SMARCC1: variants seen among roughly 807,000 people sequenced by gnomAD.
The protein encoded by SMARCC1 is SWI/SNF related BAF chromatin remodeling complex subunit C1, also known as SWI/SNF complex subunit SMARCC1.
SMARCC1 carries 43 observed loss-of-function variants against 147.4 expected under a neutral mutation model. The observed-to-expected ratio is 0.29, with a 90% CI of 0.23 to 0.38. The LOEUF (loss-of-function observed/expected upper bound fraction) is 0.38. Among genes scored for constraint, SMARCC1 ranks in the 10% least tolerant of loss-of-function variants. The pLI is 1.00. For synonymous variants in SMARCC1, 495 were observed against 484.4 expected (o/e 1.02, Z -0.29); for missense variants, 1,119 against 1,381.1 (o/e 0.81, Z 3.01).
intron 5 of SMARCC1, among the ~76,000 whole-genome samples, chr3:47,732,459 G>C (rs1166805699): frequency 1.3e-5 from 2 of 152,134 alleles, no homozygotes; most frequent in Admixed American, 1.3e-4. Context: ...CTAGCTGTTT[G>C]ACTTAAGAAG....
At chr3:47,591,749 T>G (rs1324106889) in intron 26 of SMARCC1, among the ~76,000 whole-genome samples, 1 of 152,122 alleles carries the variant, frequency 6.6e-6, no homozygotes, top group Non-Finnish European at 1.5e-5. Context: ...TTTGCCATGT[T>G]GCCCAGGCTG....
chr3:47,774,766 A>ATAGT (rs1227042359), intron 1 of SMARCC1, among the ~76,000 whole-genome samples: 1 of 151,898 alleles, frequency 6.6e-6, no homozygotes, highest in Admixed American at 6.6e-5. Flanking sequence ...CTATATTGAT[A>ATAGT]ATTTGCAACA....
At chr3:47,648,126 C>A (rs1003287924) in intron 21 of SMARCC1, among the ~76,000 whole-genome samples, 1 of 152,108 alleles carries the variant, frequency 6.6e-6, no homozygotes, top group Non-Finnish European at 1.5e-5. Context: ...TCCCAAACAG[C>A]TGAGATTACA....
intron 26 of SMARCC1, among the ~76,000 whole-genome samples, chr3:47,599,330 C>G (rs2032349411): frequency 6.6e-6 from 1 of 152,146 alleles, no homozygotes; most frequent in African/African-American, 2.4e-5. Flanking sequence ...TTAGAGTGAG[C>G]AGAGATCACA....
intron 9 of SMARCC1, among the ~76,000 whole-genome samples, chr3:47,709,849 G>A (rs981321122): frequency 6.6e-6 from 1 of 152,080 alleles, no homozygotes; most frequent in African/African-American, 2.4e-5. Context: ...TCCACAACTT[G>A]TGCCTTACAA....
intron 5 of SMARCC1, among the ~76,000 whole-genome samples, chr3:47,734,626 TAC>T (rs1320333570): frequency 1.3e-5 from 2 of 152,318 alleles, no homozygotes; most frequent in African/African-American, 4.8e-5. Flanking sequence ...TGGGCTTAAT[TAC>T]AGTTTAGTCA....
intron 13 of SMARCC1, among the ~76,000 whole-genome samples, chr3:47,688,694 G>T (rs1325555610): frequency 6.6e-6 from 1 of 152,176 alleles, no homozygotes; most frequent in Admixed American, 6.6e-5. Flanking sequence ...GTCAAAGTAT[G>T]ATTCAAAGTC....
chr3:47,754,969 G>T (rs1338117015), intron 2 of SMARCC1, among the ~76,000 whole-genome samples: 1 of 152,210 alleles, frequency 6.6e-6, no homozygotes, highest in African/African-American at 2.4e-5. Context: ...CTTGAACCCA[G>T]GAGGCACAGG....
Position 47,729,029 on chromosome 3 carries a change from G to T in SMARCC1, c.642C>A (p.Asp214Glu), listed in dbSNP as rs184251353. 3.1e-6 allele frequency: 5 copies of T among 1,606,108 alleles called. No individual in the cohort carries two copies. The South Asian group carries it at 5.5e-5, about 18-fold the overall frequency. ...CACAACGCAAAACTAACTTACCATC[G>T]TCTTGTGAGGAAGAATATGGGTAAA... ...HHIYPYSSSQ[D>E]DEEWLRPVMR... The change falls in exon 6 of 28, where the codon GAC becomes GAA. Residue 214 changes from aspartate to glutamate, a missense_variant. Asp to Glu is a conservative substitution (Grantham distance 45). Around this residue, in one of 6 missense-constraint regions of SMARCC1, gnomAD observed 542 missense variants for 611.8 expected, o/e 0.89. Transcript: ENST00000254480.
At chr3:47,663,268 G>GGA (rs2033376033) in intron 19 of SMARCC1, among the ~76,000 whole-genome samples, 1 of 123,626 alleles carries the variant, frequency 8.1e-6, no homozygotes, top group Non-Finnish European at 1.7e-5. Flanking sequence ...GGAAGGAAGG[G>GGA]CTTTTTTACT....
intron 26 of SMARCC1, among the ~76,000 whole-genome samples, chr3:47,609,282 G>A (rs1043931002): frequency 6.6e-6 from 1 of 152,164 alleles, no homozygotes; most frequent in East Asian, 1.9e-4. Context: ...GGATCACGAG[G>A]TCAGGAGATC....
chr3:47,758,247 G>A (rs1228346700), intron 2 of SMARCC1, among the ~76,000 whole-genome samples: 1 of 151,880 alleles, frequency 6.6e-6, no homozygotes, highest in Non-Finnish European at 1.5e-5. Context: ...AACCTCCTAA[G>A]TAGCTCCAAC....
At chr3:47,763,745 G>C (rs2034802737) in intron 2 of SMARCC1, among the ~76,000 whole-genome samples, 1 of 151,420 alleles carries the variant, frequency 6.6e-6, no homozygotes, top group Non-Finnish European at 1.5e-5. Flanking sequence ...TTCTCAAACA[G>C]GGACTCACTG....
chr3:47,634,294 C>T (rs919036188), intron 24 of SMARCC1, among the ~76,000 whole-genome samples: 3 of 152,174 alleles, frequency 2.0e-5, no homozygotes, highest in Non-Finnish European at 4.4e-5. Flanking sequence ...AAACACCTCC[C>T]TAACCTCCAT....
chr3:47,680,366 T>G, intron 15 of SMARCC1, 71 bp downstream of exon 15: 1 of 996,054 alleles, frequency 1.0e-6, no homozygotes, highest in Non-Finnish European at 1.6e-6. Flanking sequence ...AATAAGGAAC[T>G]CAGGTGGATG....
intron 3 of SMARCC1, among the ~76,000 whole-genome samples, chr3:47,742,443 T>G (rs748401832): frequency 1.1e-4 from 17 of 152,236 alleles, no homozygotes; most frequent in Admixed American, 2.6e-4. Context: ...TAGGTCAAAC[T>G]TGTTATCCTT....
At chr3:47,617,631 T>C (rs559011811) in intron 25 of SMARCC1, among the ~76,000 whole-genome samples, 86 of 152,352 alleles carry the variant, frequency 5.6e-4, no homozygotes, top group Non-Finnish European at 5.4e-4. Flanking sequence ...AAAACATTCA[T>C]AGCTTTGCTT....
intron 21 of SMARCC1, among the ~76,000 whole-genome samples, chr3:47,660,131 C>T (rs1367402611): frequency 6.6e-6 from 1 of 152,004 alleles, no homozygotes; most frequent in Non-Finnish European, 1.5e-5. Flanking sequence ...CTCATAGCAG[C>T]ATTTTTCATA....
intron 22 of SMARCC1, among the ~76,000 whole-genome samples, chr3:47,636,486 C>T (rs1445575241): frequency 1.3e-5 from 2 of 152,178 alleles, no homozygotes; most frequent in African/African-American, 2.4e-5. Flanking sequence ...CAGTAGCTCA[C>T]GCCTGTAATC....
Sources: allele counts gnomAD v4.1 joint callset (sites outside exome capture counted in the v4.1 genomes callset), GRCh38; gene constraint gnomAD v4.1.1; regional missense constraint gnomAD v4.1.1; transcripts MANE v1.5; gene names NCBI Gene and HGNC (gene_info 2026-07-23, HGNC 2026-07-21).